The following RP1L1 variants were observed in gnomAD, a reference collection of about 807,000 sequenced individuals.
RP1L1 encodes RP1 like 1, also known as retinitis pigmentosa 1-like 1 protein.
Under a neutral mutation model 15.7 loss-of-function variants are expected in RP1L1, and 27 were observed. That is an observed-to-expected ratio of 1.72 (90% CI 1.27 to 2.38). The LOEUF (loss-of-function observed/expected upper bound fraction) is 2.38, where lower values mean the gene tolerates loss of function less well. RP1L1 is among the 30% of genes most tolerant of loss of function. The pLI is 0.00. For synonymous variants in RP1L1, 1,813 were observed against 1,276.7 expected (o/e 1.42, Z -8.96); for missense variants, 4,798 against 3,075.9 (o/e 1.56, Z -13.24).
Position 10,608,025 on chromosome 8 carries a change from C to T in RP1L1, c.6073G>A (p.Ala2025Thr), listed in dbSNP as rs202005120. Reference sequence around the variant, plus strand: ...TCTTCACCTTCTGACTTTGGCTGGGCCTCTACACCGTCTGACTCTGGCTGG... The same window carrying T: ...TCTTCACCTTCTGACTTTGGCTGGGTCTCTACACCGTCTGACTCTGGCTGG... ...EAQPESDGVE[A>T]QPKSEGEEAQ... Residue 2025 changes from alanine to threonine, a missense_variant, in exon 4 of 4, where the codon GCC (alanine) becomes ACC (threonine). Physicochemically the swap from Ala to Thr is moderately conservative, Grantham distance 58 (BLOSUM62 0). Transcript: ENST00000382483. The T allele has an allele frequency of 1.2e-6, 2 of 1,612,752 alleles. No homozygotes were observed. Among genetic ancestry groups the T allele is most frequent in the Non-Finnish European group, 1.7e-6 (2 of 1,179,764 alleles).
rs756134481 is a variant in RP1L1, at chr8:10,612,800, C to A, written c.1298G>T (p.Arg433Leu). The A allele has an allele frequency of 6.2e-7, 1 of 1,611,190 alleles. No individual in the cohort carries two copies. The highest frequency in any genetic ancestry group is 2.2e-5 in the East Asian group (1 of 44,868). Residue 433 changes from arginine (R) to leucine (L), a missense_variant, in exon 4 of 4, where the codon CGC becomes CTC. Arg to Leu is a moderately radical substitution (Grantham distance 102). Transcript: ENST00000382483. Reference sequence around the variant, plus strand: ...CCCGTGGCCCCACAGGCCACTGCAGCGGACGTGCTGGGCCAGTCCCCACCT... The same window carrying A: ...CCCGTGGCCCCACAGGCCACTGCAGAGGACGTGCTGGGCCAGTCCCCACCT... ...RKRWGLAQHVRCSGLWGHGTA... is the reference protein window; with the variant it reads ...RKRWGLAQHVLCSGLWGHGTA...
intron 1 of RP1L1, among the ~76,000 whole-genome samples, chr8:10,637,066 GGA>G (rs1206423128): frequency 5.9e-5 from 9 of 152,236 alleles, no homozygotes; most frequent in Admixed American, 5.2e-4. Context: ...GGCTGGTGAG[GGA>G]GAGAGACAGG....
intron 1 of RP1L1, among the ~76,000 whole-genome samples, chr8:10,652,462 G>C (rs35537947): frequency 6.6e-6 from 1 of 151,792 alleles, no homozygotes; most frequent in Non-Finnish European, 1.5e-5. Flanking sequence ...TGACGAATGC[G>C]ATGTCATCTA....
At chr8:10,617,658 G>A (rs1797992104) in intron 2 of RP1L1, among the ~76,000 whole-genome samples, 1 of 138,408 alleles carries the variant, frequency 7.2e-6, no homozygotes, top group Non-Finnish European at 1.5e-5. Flanking sequence ...CCGGGTTCAT[G>A]CCATTCTCCT....
chr8:10,609,817 G>C lies in RP1L1; in HGVS notation c.4281C>G (p.Val1427=). 6.2e-7 allele frequency: 1 copy of C among 1,614,120 alleles called. No homozygotes were observed. The highest frequency in any genetic ancestry group is 8.5e-7 in the Non-Finnish European group (1 of 1,180,022). The change falls in exon 4 of 4, where the codon GTC becomes GTG. Residue 1427 remains valine, a synonymous_variant. Coordinates refer to ENST00000382483, the MANE Select transcript of RP1L1 (RefSeq NM_178857.6). ...DGKGSQEDDP[V]QEEEAGRASA... ...AGGCTCTTCCTGCTTCCTCCTCCTGGACTGGGTCATCTTCCTGGGAGCCTT... is the reference window on the plus strand; with the variant it reads ...AGGCTCTTCCTGCTTCCTCCTCCTGCACTGGGTCATCTTCCTGGGAGCCTT...
In RP1L1 at chr8:10,610,826, C is replaced by G; in HGVS notation, c.3272G>C (p.Gly1091Ala). Residue 1091 changes from glycine (G) to alanine (A), a missense_variant, in exon 4 of 4, where the codon GGC becomes GCC. Transcript: ENST00000382483. ...ASTQIMRALM[G>A]SKQGRPSSVP... Reference sequence around the variant, plus strand: ...GCTGCTGGGCCGGCCCTGCTTGGAGCCCATCAGCGCCCTCATGATCTGCGT... The same window carrying G: ...GCTGCTGGGCCGGCCCTGCTTGGAGGCCATCAGCGCCCTCATGATCTGCGT... 1 of 1,607,280 alleles carries G rather than the reference C, an allele frequency of 6.2e-7. No homozygotes were observed. Among genetic ancestry groups the G allele is most frequent in the Non-Finnish European group, 8.5e-7 (1 of 1,175,926 alleles).
At chr8:10,630,482 G>A (rs1384885342) in intron 1 of RP1L1, among the ~76,000 whole-genome samples, 1 of 152,236 alleles carries the variant, frequency 6.6e-6, no homozygotes, top group Admixed American at 6.5e-5. Context: ...GAGGGGTAAA[G>A]TTTGAGAGTT....
At chr8:10,645,225 G>A (rs1297505918) in intron 1 of RP1L1, among the ~76,000 whole-genome samples, 1 of 152,138 alleles carries the variant, frequency 6.6e-6, no homozygotes, top group Non-Finnish European at 1.5e-5. Flanking sequence ...TACTGGGGAG[G>A]CTGAGGCAGG....
intron 2 of RP1L1, among the ~76,000 whole-genome samples, chr8:10,620,097 C>T (rs563087279): frequency 1.3e-5 from 2 of 152,072 alleles, no homozygotes; most frequent in Non-Finnish European, 2.9e-5. Flanking sequence ...ACACCTGTAT[C>T]TTAGTCTACA....
At chr8:10,652,120 C>T (rs905421433) in intron 1 of RP1L1, among the ~76,000 whole-genome samples, 1 of 152,124 alleles carries the variant, frequency 6.6e-6, no homozygotes, top group African/African-American at 2.4e-5. Context: ...TAGTTTCGTG[C>T]AAGTATACTC....
chr8:10,654,332 G>A (rs147141209), intron 1 of RP1L1, among the ~76,000 whole-genome samples: 1 of 152,252 alleles, frequency 6.6e-6, no homozygotes, highest in East Asian at 1.9e-4. Context: ...TTGAAGCTGG[G>A]TAGAGAAAAT....
chr8:10,617,750 G>T (rs947200118), intron 2 of RP1L1, among the ~76,000 whole-genome samples: 13 of 151,884 alleles, frequency 8.6e-5, no homozygotes, highest in Non-Finnish European at 1.0e-4. Context: ...TAGAGACAGG[G>T]TTTCACCGTG....
chr8:10,647,143 C>G (rs368833820), intron 1 of RP1L1, among the ~76,000 whole-genome samples: 1 of 152,182 alleles, frequency 6.6e-6, no homozygotes, highest in African/African-American at 2.4e-5. Flanking sequence ...CACTGAGGCG[C>G]CACGGCAGCC....
At chr8:10,631,609 G>A (rs1401951994) in intron 1 of RP1L1, among the ~76,000 whole-genome samples, 2 of 152,184 alleles carry the variant, frequency 1.3e-5, no homozygotes, top group Non-Finnish European at 1.5e-5. Context: ...GGAGACATCC[G>A]AGGCTTGGCA....
At chr8:10,626,815 C>A (rs968490048) in intron 1 of RP1L1, among the ~76,000 whole-genome samples, 5 of 152,162 alleles carry the variant, frequency 3.3e-5, no homozygotes, top group Admixed American at 6.5e-5. Flanking sequence ...AAAGCCACAG[C>A]ACGTCATCAA....
At position 10,606,721 on chromosome 8, in the gene RP1L1, TG is replaced by T; in HGVS notation, c.*173del. The T allele has an allele frequency of 9.1e-7, 1 of 1,103,414 alleles. No homozygotes were observed. The highest frequency in any genetic ancestry group is 1.3e-6 in the Non-Finnish European group (1 of 789,948). 68.4% of individuals were successfully genotyped at this position (1,103,414 alleles called of 1,614,324 possible). A position where few individuals can be genotyped will look rare whatever the true frequency, so the allele number is the denominator to read the frequency against. On this transcript the variant is annotated 3_prime_UTR_variant, in exon 4 of 4. Transcript: ENST00000382483. ...GGGCCGCAGAGCTCTCTGACACTTC[TG>T]GACTTAAGAGTCCCAGGACAGCATG... is the stretch of plus-strand genomic sequence containing the variant.
rs183227316 is a variant in RP1L1, at chr8:10,645,208, T to G, written c.-20+9690A>C. Among the ~76,000 whole-genome samples, 1,101 of 152,202 alleles carry G rather than the reference T, an allele frequency of 7.2e-3. 12 individuals are homozygous for G. The highest frequency in any genetic ancestry group is 0.025 in the African/African-American group (1,056 of 41,536). On this transcript the variant is annotated intron_variant, in intron 1 of 3. Coordinates refer to ENST00000382483, the MANE Select transcript of RP1L1 (RefSeq NM_178857.6). ...TGGGCGTGGTGGTGCACACCTGTAG[T>G]CCCAGCTACTGGGGAGGCTGAGGCA...
chr8:10,637,207 G>C (rs1469722698), intron 1 of RP1L1, among the ~76,000 whole-genome samples: 1 of 152,182 alleles, frequency 6.6e-6, no homozygotes, highest in Admixed American at 6.5e-5. Context: ...CTCTCCCCAC[G>C]TAGTAAGGGG....
chr8:10,652,612 T>G (rs1243566756), intron 1 of RP1L1, among the ~76,000 whole-genome samples: 1 of 152,086 alleles, frequency 6.6e-6, no homozygotes, highest in Non-Finnish European at 1.5e-5. Flanking sequence ...AAGTCTTGTT[T>G]CCTCCAAATT....
Sources: allele counts gnomAD v4.1 joint callset (sites outside exome capture counted in the v4.1 genomes callset), GRCh38; gene constraint gnomAD v4.1.1; transcripts MANE v1.5; gene names NCBI Gene and HGNC (gene_info 2026-07-23, HGNC 2026-07-21).